Variants in SLTM observed in about 807,000 individuals in gnomAD.
SLTM encodes the protein SAFB like transcription modulator.
A neutral mutation model predicts 134.6 loss-of-function variants in SLTM; 43 were observed. The ratio of observed to expected loss-of-function variants is 0.32; its 90% CI spans 0.25 to 0.41. The LOEUF is 0.41. SLTM is among the 10% of genes least tolerant of loss of function. The probability of loss-of-function intolerance (pLI) is 1.00; values close to 1 mark genes in which losing one functional copy is unlikely to be tolerated. For missense variants in SLTM, 1,055 were observed against 1,288.8 expected (o/e 0.82, Z 2.78); for synonymous variants, 424 against 432.3 (o/e 0.98, Z 0.24).
At chr15:58,916,305 T>C (rs1407726591) in intron 3 of SLTM, among the ~76,000 whole-genome samples, 1 of 151,822 alleles carries the variant, frequency 6.6e-6, no homozygotes, top group African/African-American at 2.4e-5. Context: ...TCTCAAGTAG[T>C]TGGGATTACA....
chr15:58,916,824 A>G, intron 3 of SLTM, 111 bp downstream of exon 3: 1 of 785,064 alleles, frequency 1.3e-6, no homozygotes, highest in South Asian at 1.7e-5. Context: ...ATAGGTCTTT[A>G]TCTTTAACCT....
At position 58,898,787 on chromosome 15, in the gene SLTM, G is replaced by T; in HGVS notation, c.1108+16C>A. On this transcript the variant is annotated intron_variant, in intron 8 of 20. Coordinates refer to ENST00000380516, the MANE Select transcript of SLTM (RefSeq NM_024755.4). ...CAATGTCAACACTGAAATAAATAGG[G>T]AAAAAAATTCTTTACCTTTGTCATC... is the stretch of plus-strand genomic sequence containing the variant. The T allele has an allele frequency of 6.3e-7, 1 of 1,584,504 alleles. No individual in the cohort carries two copies. Among genetic ancestry groups the T allele is most frequent in the South Asian group, 1.1e-5 (1 of 88,180 alleles).
chr15:58,913,436 T>C, intron 4 of SLTM, 63 bp downstream of exon 4: 1 of 1,348,026 alleles, frequency 7.4e-7, no homozygotes, highest in African/African-American at 1.5e-5. Flanking sequence ...TAGAAAAAAA[T>C]ACTTTTTATT....
chr15:58,894,370 G>T, intron 10 of SLTM, 63 bp downstream of exon 10: 1 of 1,575,906 alleles, frequency 6.3e-7, no homozygotes, highest in Non-Finnish European at 8.7e-7. Context: ...ACTGTTAACA[G>T]CTATGAGTTG....
chr15:58,918,955 C>T (rs2036833610), intron 2 of SLTM, among the ~76,000 whole-genome samples: 1 of 151,642 alleles, frequency 6.6e-6, no homozygotes. Flanking sequence ...TGCTCTGTCG[C>T]CCAGGGTGGA....
At chr15:58,905,567 A>C (rs1412181410) in intron 5 of SLTM, among the ~76,000 whole-genome samples, 2 of 152,054 alleles carry the variant, frequency 1.3e-5, no homozygotes, top group Admixed American at 1.3e-4. Context: ...TAAAAAAATA[A>C]ATAATTTTTT....
chr15:58,883,681 T>C lies in SLTM; in HGVS notation c.2941A>G (p.Thr981Ala). ...PPSQGPSYHD[T>A]RRMGDGRAGA... is the part of the protein sequence containing the mutation. ...GCCCGGCCGTCACCCATTCGCCTCG[T>C]ATCATGATAGCTAGGCCCTTGAGAG... Residue 981 changes from threonine (T) to alanine (A), a missense_variant, in exon 20 of 21, where the codon ACG becomes GCG. This residue lies in a region of SLTM where 776 missense variants were observed against 962.2 expected (regional missense o/e 0.81). Transcript: ENST00000380516. 1.9e-6 allele frequency: 3 copies of C among 1,614,122 alleles called. No homozygotes were observed. Among genetic ancestry groups the C allele is most frequent in the Non-Finnish European group, 2.5e-6 (3 of 1,180,008 alleles).
Position 58,899,399 on chromosome 15 carries a change from C to A in SLTM, c.1058+70G>T. 7.9e-7 allele frequency: 1 copy of A among 1,266,470 alleles called. No individual in the cohort carries two copies. Among genetic ancestry groups the A allele is most frequent in the South Asian group, 1.2e-5 (1 of 80,572 alleles). The allele number at this position is 1,266,470 out of a possible 1,614,324, so 78.5% of individuals were successfully genotyped here. A position where few individuals can be genotyped will look rare whatever the true frequency, so the allele number is the denominator to read the frequency against. On this transcript the variant is annotated intron_variant, in intron 7 of 20. Coordinates refer to ENST00000380516, the MANE Select transcript of SLTM (RefSeq NM_024755.4). The surrounding 1 kb of genome is among the most constrained non-coding windows in gnomAD (Gnocchi z 5.0). ...ACTGTACATGTTCTTGAAGCCACCC[C>A]CTTAATGTAGAGTGATCTTATTGAA... is the stretch of plus-strand genomic sequence containing the variant.
chr15:58,911,017 G>A (rs2036233537), intron 5 of SLTM, among the ~76,000 whole-genome samples: 1 of 151,984 alleles, frequency 6.6e-6, no homozygotes, highest in Non-Finnish European at 1.5e-5. Flanking sequence ...GTGCTGGGAT[G>A]ACAGGTGTGA....
chr15:58,880,561 A>AAT (rs1247253369), intron 20 of SLTM, among the ~76,000 whole-genome samples: 3 of 151,808 alleles, frequency 2.0e-5, no homozygotes, highest in Admixed American at 2.0e-4. Flanking sequence ...TGTTCTTTTA[A>AAT]ATATATATAT....
At chr15:58,925,557 C>T (rs957176078) in intron 2 of SLTM, among the ~76,000 whole-genome samples, 7 of 152,082 alleles carry the variant, frequency 4.6e-5, no homozygotes, top group African/African-American at 1.4e-4. Context: ...ATGCTGGTCT[C>T]GAACTCCTGA....
At chr15:58,921,870 G>A (rs911764833) in intron 2 of SLTM, among the ~76,000 whole-genome samples, 3 of 151,986 alleles carry the variant, frequency 2.0e-5, no homozygotes, top group Non-Finnish European at 4.4e-5. Context: ...CCGCCTCCCA[G>A]GTTCAAGCGA....
intron 20 of SLTM, 96 bp downstream of exon 20, chr15:58,883,530 G>T: frequency 6.7e-7 from 1 of 1,496,290 alleles, no homozygotes; most frequent in Non-Finnish European, 9.2e-7. Context: ...AGGGTTTTCA[G>T]TAGTTGCAAT....
Position 58,899,724 on chromosome 15 carries a change from T to C in SLTM, c.803A>G (p.Asn268Ser). The C allele has an allele frequency of 1.2e-6, 2 of 1,614,176 alleles. No individual in the cohort carries two copies. The change falls in exon 7 of 21, where the codon AAT (asparagine) becomes AGT (serine). Residue 268 changes from asparagine (N) to serine (S), a missense_variant. Transcript: ENST00000380516. The surrounding 1 kb of genome is among the most constrained non-coding windows in gnomAD (Gnocchi z 5.0). The part of the protein sequence containing the change: ...DGDDLLETGK[N>S]VKITDSEASK... ...TGCTTCAGAATCTGTAATTTTCACA[T>C]TTTTACCTGTTTCTAGGAGGTCATC... is the stretch of plus-strand genomic sequence containing the variant.
At chr15:58,911,763 C>A (rs569940722) in intron 5 of SLTM, among the ~76,000 whole-genome samples, 1 of 152,078 alleles carries the variant, frequency 6.6e-6, no homozygotes, top group African/African-American at 2.4e-5. Flanking sequence ...AGCAGCAACA[C>A]GTTGTTACAC....
Position 58,883,680 on chromosome 15 carries a change from G to A in SLTM, c.2942C>T (p.Thr981Met), listed in dbSNP as rs562501583. 2 of 1,614,064 alleles carry A rather than the reference G, an allele frequency of 1.2e-6. No individual in the cohort carries two copies. The highest frequency in any genetic ancestry group is 1.3e-5 in the African/African-American group (1 of 74,988). Residue 981 changes from threonine to methionine, a missense_variant, in exon 20 of 21, where the codon ACG (threonine) becomes ATG (methionine). Transcript: ENST00000380516. ...TGCCCGGCCGTCACCCATTCGCCTC[G>A]TATCATGATAGCTAGGCCCTTGAGA... is the stretch of plus-strand genomic sequence containing the variant. Reference protein sequence around the residue: ...PPSQGPSYHDTRRMGDGRAGA... With the variant: ...PPSQGPSYHDMRRMGDGRAGA...
At chr15:58,914,976 G>C (rs770218920) in intron 3 of SLTM, among the ~76,000 whole-genome samples, 19 of 152,194 alleles carry the variant, frequency 1.2e-4, no homozygotes, top group Non-Finnish European at 2.4e-4. Flanking sequence ...GGTGGATCAT[G>C]AGGTCAGGAG....
At chr15:58,888,629 C>T in intron 16 of SLTM, 74 bp from the exon 17 acceptor site, 2 of 1,451,798 alleles carry the variant, frequency 1.4e-6, no homozygotes, top group Admixed American at 1.8e-5. Context: ...TGGAGTCATA[C>T]ATACCACATG....
At chr15:58,918,627 T>G (rs2036810677) in intron 2 of SLTM, among the ~76,000 whole-genome samples, 1 of 152,234 alleles carries the variant, frequency 6.6e-6, no homozygotes, top group African/African-American at 2.4e-5. Context: ...GTGTTAACTT[T>G]CTATTTACAA....
Sources: gnomAD v4.1 joint callset for allele counts (sites outside exome capture counted in the v4.1 genomes callset) on GRCh38, gnomAD v4.1.1 for gene constraint, gnomAD v4.1.1 regional missense constraint, Gnocchi (gnomAD v3.1) non-coding constraint, MANE v1.5 for transcripts, NCBI Gene and HGNC (gene_info 2026-07-23, HGNC 2026-07-21) for gene names.